The following KCNC2 variants were observed in gnomAD, a reference collection of about 807,000 sequenced individuals.
KCNC2 encodes the protein voltage-gated potassium channel KCNC2.
KCNC2 carries 21 observed loss-of-function variants against 44.5 expected under a neutral mutation model. The observed-to-expected ratio is 0.47, with a 90% confidence interval of 0.33 to 0.68. The LOEUF is 0.68. KCNC2 is among the 30% of genes least tolerant of loss of function. The probability of loss-of-function intolerance (pLI) is 0.01; values close to 1 mark genes in which losing one functional copy is unlikely to be tolerated. For synonymous variants in KCNC2, 391 were observed against 339.1 expected (o/e 1.15, Z -1.68); for missense variants, 589 against 826.2 (o/e 0.71, Z 3.52).
intron 2 of KCNC2, among the ~76,000 whole-genome samples, chr12:75,197,463 T>A (rs1253856790): frequency 6.6e-6 from 1 of 152,052 alleles, no homozygotes; most frequent in Non-Finnish European, 1.5e-5. Flanking sequence ...TCATCTTTGT[T>A]TCCTCCTTAA....
At chr12:75,132,109 T>G (rs1466215617) in intron 2 of KCNC2, among the ~76,000 whole-genome samples, 1 of 152,070 alleles carries the variant, frequency 6.6e-6, no homozygotes, top group Non-Finnish European at 1.5e-5. Flanking sequence ...ACTTTAAGGT[T>G]TTGTAGTTTC....
At chr12:75,131,591 G>T (rs1228635130) in intron 2 of KCNC2, among the ~76,000 whole-genome samples, 1 of 152,126 alleles carries the variant, frequency 6.6e-6, no homozygotes, top group African/African-American at 2.4e-5. Context: ...TCTCTGGCTG[G>T]TGGTAGAGAG....
chr12:75,137,237 C>T (rs1889297489), intron 2 of KCNC2, among the ~76,000 whole-genome samples: 1 of 151,926 alleles, frequency 6.6e-6, no homozygotes, highest in Non-Finnish European at 1.5e-5. Flanking sequence ...TTATAAATAC[C>T]AACTCCTCAA....
intron 2 of KCNC2, among the ~76,000 whole-genome samples, chr12:75,066,792 A>G (rs1017064889): frequency 2.6e-5 from 4 of 152,250 alleles, no homozygotes; most frequent in African/African-American, 7.2e-5. Context: ...CCTTAAATAT[A>G]CTGAATAAAT....
intron 2 of KCNC2, among the ~76,000 whole-genome samples, chr12:75,179,888 G>C (rs1184255047): frequency 1.3e-5 from 2 of 151,396 alleles, no homozygotes; most frequent in Non-Finnish European, 3.0e-5. Flanking sequence ...CTTCAACTTA[G>C]CATTCCGTAC....
intron 2 of KCNC2, among the ~76,000 whole-genome samples, chr12:75,132,983 G>A (rs547710962): frequency 8.4e-4 from 128 of 152,002 alleles, no homozygotes; most frequent in African/African-American, 2.2e-3. Context: ...ATGAATTAGC[G>A]TGCAAGGTTG....
chr12:75,109,610 A>G (rs761842392), intron 2 of KCNC2, among the ~76,000 whole-genome samples: 2 of 152,142 alleles, frequency 1.3e-5, no homozygotes, highest in African/African-American at 2.4e-5. Flanking sequence ...TCGTGATCAT[A>G]AGATTTTAAG....
At chr12:75,198,956 G>A (rs1273730512) in intron 2 of KCNC2, among the ~76,000 whole-genome samples, 1 of 151,508 alleles carries the variant, frequency 6.6e-6, no homozygotes, top group Admixed American at 6.6e-5. Context: ...TTGAATATAT[G>A]GGCAATATTA....
intron 2 of KCNC2, among the ~76,000 whole-genome samples, chr12:75,148,761 T>G (rs1164290983): frequency 6.6e-6 from 1 of 151,902 alleles, no homozygotes; most frequent in Non-Finnish European, 1.5e-5. Context: ...ACATTGAAAC[T>G]TTTTTGGCTT....
chr12:75,181,579 C>T lies in KCNC2; in HGVS notation c.687+25718G>A, dbSNP rs550297981. 2.6e-5 allele frequency among the ~76,000 whole-genome samples: 4 copies of T among 152,266 alleles called. No individual in the cohort carries two copies. In the East Asian group the frequency reaches 5.8e-4, roughly 22 times the overall value. On this transcript the variant is annotated intron_variant, in intron 2 of 4. Coordinates refer to ENST00000549446, the MANE Select transcript of KCNC2 (RefSeq NM_139137.4). ...TCCAACAGCCTCTCATTTTCTCAAC[C>T]TTTTTATTCAAACTAGTTCATTAAA...
chr12:75,086,667 AAAAAAAAAAAAAAAAT>A (rs1298297194), intron 2 of KCNC2, among the ~76,000 whole-genome samples: 1 of 65,738 alleles, frequency 1.5e-5, no homozygotes, highest in African/African-American at 3.4e-5. Context: ...TGGCAAAAAA[AAAAAAAAAAAAAAAAT>A]ATATATATAT....
chr12:75,078,341 T>A (rs558339160), intron 2 of KCNC2, among the ~76,000 whole-genome samples: 1 of 152,316 alleles, frequency 6.6e-6, no homozygotes, highest in African/African-American at 2.4e-5. Context: ...TAGTTTAACT[T>A]CCACCTTTCC....
At chr12:75,069,127 A>ATATTTTTTTTTTT (rs1231157819) in intron 2 of KCNC2, among the ~76,000 whole-genome samples, 1 of 33,902 alleles carries the variant, frequency 2.9e-5, no homozygotes, top group Non-Finnish European at 6.4e-5. Flanking sequence ...ATTTTATATA[A>ATATTTTTTTTTTT]TCTTTTTTTT....
At chr12:75,169,960 C>A (rs1014623968) in intron 2 of KCNC2, among the ~76,000 whole-genome samples, 3 of 151,498 alleles carry the variant, frequency 2.0e-5, no homozygotes, top group African/African-American at 7.3e-5. Context: ...AAAAGAAAGG[C>A]GACATAACAT....
At chr12:75,147,920 T>C (rs1890135982) in intron 2 of KCNC2, among the ~76,000 whole-genome samples, 1 of 152,148 alleles carries the variant, frequency 6.6e-6, no homozygotes, top group South Asian at 2.1e-4. Flanking sequence ...TAAAAAGTAT[T>C]ATAGTCCAAA....
intron 2 of KCNC2, among the ~76,000 whole-genome samples, chr12:75,064,050 A>G (rs1306009797): frequency 6.6e-6 from 1 of 152,082 alleles, no homozygotes; most frequent in African/African-American, 2.4e-5. Flanking sequence ...AAATGACAAA[A>G]ATGAGAATAC....
chr12:75,041,949 G>A lies in KCNC2; in HGVS notation c.*1156C>T, dbSNP rs1007745366. 1 of 1,007,746 alleles carries A rather than the reference G, an allele frequency of 9.9e-7. No homozygotes were observed. Among genetic ancestry groups the A allele is most frequent in the African/African-American group, 1.7e-5 (1 of 58,082 alleles). 62.4% of individuals were successfully genotyped at this position (1,007,746 alleles called of 1,614,324 possible). On this transcript the variant is annotated 3_prime_UTR_variant, in exon 5 of 5. Transcript: ENST00000549446. Reference sequence around the variant, plus strand: ...TTCATGGAGACAGATGGCATATACAGGAAAGACAGGGAGCTAAGACAGACA... The same window carrying A: ...TTCATGGAGACAGATGGCATATACAAGAAAGACAGGGAGCTAAGACAGACA...
Position 75,041,907 on chromosome 12 carries a change from C to G in KCNC2, c.*1198G>C, listed in dbSNP as rs1879947052. The G allele has an allele frequency of 2.4e-5, 24 of 993,740 alleles. No individual in the cohort carries two copies. Among genetic ancestry groups the G allele is most frequent in the Non-Finnish European group, 2.6e-5 (22 of 835,828 alleles). 61.6% of individuals were successfully genotyped at this position (993,740 alleles called of 1,614,324 possible). A position where few individuals can be genotyped will look rare whatever the true frequency, so the allele number is the denominator to read the frequency against. On this transcript the variant is annotated 3_prime_UTR_variant, in exon 5 of 5. Transcript: ENST00000549446. ...AAATATTAAAATCATAAACATCTTA[C>G]AGAGGCATTTCTGTGCTTCATGGAG...
At chr12:75,159,234 A>G (rs1426816610) in intron 2 of KCNC2, among the ~76,000 whole-genome samples, 1 of 151,906 alleles carries the variant, frequency 6.6e-6, no homozygotes, top group African/African-American at 2.4e-5. Flanking sequence ...AAACCTGCAC[A>G]TTCTGCACAT....
Sources: allele counts gnomAD v4.1 joint callset (sites outside exome capture counted in the v4.1 genomes callset), GRCh38; gene constraint gnomAD v4.1.1; transcripts MANE v1.5; gene names NCBI Gene and HGNC (gene_info 2026-07-23, HGNC 2026-07-21).